Variants in KIF26A observed in about 807,000 individuals in gnomAD.
KIF26A encodes the protein kinesin family member 26A.
Under a neutral mutation model 126.0 loss-of-function variants are expected in KIF26A, and 74 were observed. The observed-to-expected ratio is 0.59, with a 90% confidence interval of 0.49 to 0.71. The LOEUF is 0.71. Among genes scored for constraint, KIF26A ranks in the 30% least tolerant of loss-of-function variants. The pLI, the probability that KIF26A is intolerant of heterozygous loss-of-function variation, is 0.00. For synonymous variants in KIF26A, 1,445 were observed against 1,232.7 expected (o/e 1.17, Z -3.61); for missense variants, 2,984 against 2,763.3 (o/e 1.08, Z -1.79).
chr14:104,145,450 C>T (rs528497574), intron 2 of KIF26A, among the ~76,000 whole-genome samples: 14 of 152,154 alleles, frequency 9.2e-5, no homozygotes, highest in African/African-American at 3.4e-4. Context: ...TGGCCCAGCC[C>T]GGTGCCCGGG....
Position 104,175,552 on chromosome 14 carries a change from G to A in KIF26A, c.2764G>A (p.Asp922Asn), listed in dbSNP as rs2038012555. The A allele has an allele frequency of 3.7e-6, 6 of 1,604,306 alleles. No individual in the cohort carries two copies. Among genetic ancestry groups the A allele is most frequent in the Non-Finnish European group, 5.1e-6 (6 of 1,179,048 alleles). ...GCCCTGCAAGGCCATTGTCTGGGGT[G>A]ACCAGAGAGAGGACAGCAGCGCTTG... Reference protein sequence around the residue: ...PEPCKAIVWGDQREDSSAWPE... With the variant: ...PEPCKAIVWGNQREDSSAWPE... Residue 922 changes from aspartate (D) to asparagine (N), a missense_variant, in exon 12 of 15, where the codon GAC becomes AAC. Asp to Asn is a conservative substitution (Grantham distance 23). Coordinates refer to ENST00000423312, the MANE Select transcript of KIF26A (RefSeq NM_015656.2).
chr14:104,141,883 C>T (rs1045467152), intron 2 of KIF26A, among the ~76,000 whole-genome samples: 13 of 152,242 alleles, frequency 8.5e-5, no homozygotes, highest in African/African-American at 2.4e-4. Flanking sequence ...GTTTCCTGCT[C>T]TGCGACATGG....
rs1469539122 is a variant in KIF26A at position 104,148,166 on chromosome 14, G to A, written c.289-3849G>A. Among the ~76,000 whole-genome samples the A allele has an allele frequency of 6.6e-6, 1 of 152,168 alleles. No homozygotes were observed. Among genetic ancestry groups the A allele is most frequent in the Non-Finnish European group, 1.5e-5 (1 of 68,030 alleles). The stretch of plus-strand genomic sequence containing the variant: ...AGTCCCCCGGGCCTCACACGCAGGA[G>A]AAAATGGAAGGATTACTTAAAGCAA... On this transcript the variant is annotated intron_variant, in intron 2 of 14. Transcript: ENST00000423312. The surrounding 1 kb of genome is among the most constrained non-coding windows in gnomAD (Gnocchi z 4.3).
rs746117357 is a variant in KIF26A at position 104,152,149 on chromosome 14, C to G, written c.423C>G (p.His141Gln). The change falls in exon 3 of 15, where the codon CAC becomes CAG. Residue 141 changes from histidine (H) to glutamine (Q), a missense_variant. Physicochemically the swap from His to Gln is conservative, Grantham distance 24. Coordinates refer to ENST00000423312, the MANE Select transcript of KIF26A (RefSeq NM_015656.2). This position sits in a 1 kb window ranked among gnomAD's most constrained non-coding sequence, Gnocchi z 5.9. ...AGCAGCTCACACGGGAGGCCATGCA[C>G]CTGCTGCAGGCCCCTGCCAGCCATG... ...HLQQLTREAM[H>Q]LLQAPASHED... is the part of the protein sequence containing the mutation. 8 of 1,610,750 alleles carry G rather than the reference C, an allele frequency of 5.0e-6. No individual in the cohort carries two copies. Among genetic ancestry groups the G allele is most frequent in the Non-Finnish European group, 6.8e-6 (8 of 1,179,350 alleles).
chr14:104,176,559 T>C lies in KIF26A; in HGVS notation c.3771T>C (p.Ala1257=), dbSNP rs761440965. 1 of 1,606,530 alleles carries C rather than the reference T, an allele frequency of 6.2e-7. No homozygotes were observed. The highest frequency in any genetic ancestry group is 8.5e-7 in the Non-Finnish European group (1 of 1,179,694). ...VGECDTQAAS[A]GRAPSPTLGS... is the part of the protein sequence containing the mutation. The stretch of plus-strand genomic sequence containing the variant: ...AGTGTGATACCCAGGCAGCTTCTGC[T>C]GGCAGGGCCCCCAGCCCCACACTTG... The change falls in exon 12 of 15, where the codon GCT becomes GCC. Residue 1257 remains alanine, a synonymous_variant. Transcript: ENST00000423312.
In KIF26A at chr14:104,174,313, G is replaced by T; in HGVS notation, c.2193+3G>T. The T allele has an allele frequency of 6.6e-7, 1 of 1,526,024 alleles. No homozygotes were observed. The highest frequency in any genetic ancestry group is 8.8e-7 in the Non-Finnish European group (1 of 1,132,708). The allele number at this position is 1,526,024 out of a possible 1,614,324, so 94.5% of individuals were successfully genotyped here. A position where few individuals can be genotyped will look rare whatever the true frequency, so the allele number is the denominator to read the frequency against. ...GCCTGCGCAGGAAGAAGGCCAAGGTGCTCCCCACCTCCTGCCCGCCCCATC... is the reference window on the plus strand; with the variant it reads ...GCCTGCGCAGGAAGAAGGCCAAGGTTCTCCCCACCTCCTGCCCGCCCCATC... On this transcript the variant is annotated splice_donor_region_variant and intron_variant, in intron 11 of 14. Transcript: ENST00000423312.
chr14:104,174,596 C>G (rs1273039362), intron 11 of KIF26A, among the ~76,000 whole-genome samples: 1 of 152,218 alleles, frequency 6.6e-6, no homozygotes, highest in Admixed American at 6.5e-5. Flanking sequence ...CTGGGGTGCT[C>G]AGGAGAGCCG....
chr14:104,179,657 C>A lies in KIF26A; in HGVS notation c.5516C>A (p.Ala1839Asp). ...CCCGAGTCGGCCGAGTACCTGGCGG[C>A]CCTGGAGCGAGCCACGGCGGCCCTG... ...LEPESAEYLAALERATAALEQ... is the reference protein window; with the variant it reads ...LEPESAEYLADLERATAALEQ... The change falls in exon 15 of 15, where the codon GCC becomes GAC. Residue 1839 changes from alanine to aspartate, a missense_variant. By Grantham distance (126) the Ala-to-Asp change is moderately radical. Coordinates refer to ENST00000423312, the MANE Select transcript of KIF26A (RefSeq NM_015656.2). 6.5e-7 allele frequency: 1 copy of A among 1,547,428 alleles called. No homozygotes were observed. Among genetic ancestry groups the A allele is most frequent in the East Asian group, 2.5e-5 (1 of 40,812 alleles).
Position 104,151,104 on chromosome 14 carries a change from G to C in KIF26A, c.289-911G>C, listed in dbSNP as rs748150209. On this transcript the variant is annotated intron_variant, in intron 2 of 14. Transcript: ENST00000423312. The surrounding 1 kb of genome is among the most constrained non-coding windows in gnomAD (Gnocchi z 4.9). ...GCCCCAGAGAGGAGTAAGCCTCTTG[G>C]TCGATTCCCTCCCAGTGAGCTTTGC... is the stretch of plus-strand genomic sequence containing the variant. Among the ~76,000 whole-genome samples the C allele has an allele frequency of 6.6e-6, 1 of 152,174 alleles. No individual in the cohort carries two copies. The highest frequency in any genetic ancestry group is 1.5e-5 in the Non-Finnish European group (1 of 68,022).
rs200552468 is a variant in KIF26A, at chr14:104,157,798, G to A, written c.779G>A (p.Arg260Gln). ...VAAVAVADTV[R>Q]ECPPVAGPDG... is the part of the protein sequence containing the mutation. Reference sequence around the variant, plus strand: ...GCCGTGGCGGTGGCAGACACGGTCCGAGAATGCCCCCCCGTGGCCGGCCCT... The same window carrying A: ...GCCGTGGCGGTGGCAGACACGGTCCAAGAATGCCCCCCCGTGGCCGGCCCT... Residue 260 changes from arginine (R) to glutamine (Q), a missense_variant, in exon 4 of 15, where the codon CGA becomes CAA. Physicochemically the swap from Arg to Gln is conservative, Grantham distance 43. Transcript: ENST00000423312. 1.1e-4 allele frequency: 171 copies of A among 1,610,272 alleles called. 1 individual carries two copies. Among genetic ancestry groups the A allele is most frequent in the East Asian group, 2.7e-4 (12 of 44,806 alleles).
chr14:104,139,688 C>T (rs1222868318), intron 2 of KIF26A, among the ~76,000 whole-genome samples: 2 of 152,182 alleles, frequency 1.3e-5, no homozygotes, highest in East Asian at 1.9e-4. Flanking sequence ...GGCACCTGGG[C>T]CCCCAGCCAG....
rs1416503770 is a variant in KIF26A, at chr14:104,176,124, C to T, written c.3336C>T (p.Ser1112=). 4 of 1,581,962 alleles carry T rather than the reference C, an allele frequency of 2.5e-6. No homozygotes were observed. The South Asian group carries it at 4.6e-5, about 18-fold the overall frequency. The change falls in exon 12 of 15, where the codon TCC becomes TCT. Residue 1112 remains serine, a synonymous_variant. Coordinates refer to ENST00000423312, the MANE Select transcript of KIF26A (RefSeq NM_015656.2). ...AGSSHGSSIS[S]WLSEVSVCTA... ...GCAGTCACGGCTCCTCCATCAGCTC[C>T]TGGCTCAGCGAGGTCAGCGTCTGCA...
chr14:104,176,887 CG>C lies in KIF26A; in HGVS notation c.4101del (p.Lys1368SerfsTer18). The C allele has an allele frequency of 6.5e-7, 1 of 1,541,780 alleles. No homozygotes were observed. Among genetic ancestry groups the C allele is most frequent in the African/African-American group, 1.4e-5 (1 of 73,056 alleles). On this transcript the variant is annotated frameshift_variant, in exon 12 of 15. Transcript: ENST00000423312. LOFTEE classifies it high-confidence loss of function. ...GGCGGCCCCCCCGGCCCCACCCACG[CG>C]GAAGTCCAGCCTGGAGCAGAGGAGC... is the stretch of plus-strand genomic sequence containing the variant. ...SGAAPPAPPT[R>X]KSSLEQRSSP...
At chr14:104,144,564 A>G (rs1043683244) in intron 2 of KIF26A, among the ~76,000 whole-genome samples, 1 of 152,196 alleles carries the variant, frequency 6.6e-6, no homozygotes, top group Non-Finnish European at 1.5e-5. Context: ...AGGATCTCTT[A>G]TTTGGGAATC....
In KIF26A at chr14:104,175,116, C is replaced by A; in HGVS notation, c.2328C>A (p.Asp776Glu). The A allele has an allele frequency of 4.4e-6, 7 of 1,605,972 alleles. No individual in the cohort carries two copies. Among genetic ancestry groups the A allele is most frequent in the Non-Finnish European group, 5.9e-6 (7 of 1,177,358 alleles). The change falls in exon 12 of 15, where the codon GAC becomes GAA. Residue 776 changes from aspartate to glutamate, a missense_variant. Transcript: ENST00000423312. ...GCACGCCTCCCTGCCTGCCCGGTGA[C>A]CCCGATTACTCCTCCAGCAGCGAGC... ...PDRTPPCLPG[D>E]PDYSSSSEQS...
At chr14:104,139,384 C>T (rs2037615267) in intron 2 of KIF26A, 96 bp downstream of exon 2, 2 of 1,313,068 alleles carry the variant, frequency 1.5e-6, no homozygotes, top group South Asian at 2.0e-5. Context: ...TCCACTCCTT[C>T]CCTGCTGCTG....
rs752247136 is a variant in KIF26A at position 104,177,132 on chromosome 14, C to G, written c.4344C>G (p.Ser1448Arg). ...GGTACGAAGGCCTGGCGCACAGCAGCAGCAAGGGCCGGGAAGCCCCTGGGC... is the reference window on the plus strand; with the variant it reads ...GGTACGAAGGCCTGGCGCACAGCAGGAGCAAGGGCCGGGAAGCCCCTGGGC... ...LERYEGLAHS[S>R]SKGREAPGRP... Residue 1448 changes from serine (S) to arginine (R), a missense_variant, in exon 12 of 15, where the codon AGC becomes AGG. By Grantham distance (110) the Ser-to-Arg change is moderately radical (BLOSUM62 -1). Transcript: ENST00000423312. 1 of 1,597,784 alleles carries G rather than the reference C, an allele frequency of 6.3e-7. No individual in the cohort carries two copies. The highest frequency in any genetic ancestry group is 1.7e-5 in the Admixed American group (1 of 59,972).
At chr14:104,158,989 C>T (rs972791280) in intron 4 of KIF26A, among the ~76,000 whole-genome samples, 2 of 152,236 alleles carry the variant, frequency 1.3e-5, no homozygotes, top group East Asian at 1.9e-4. Context: ...CGGCCAGAGA[C>T]GAGGGCGTCT....
At position 104,177,839 on chromosome 14, in the gene KIF26A, G is replaced by A. The variant is rs748668663; in HGVS notation, c.5051G>A (p.Gly1684Glu). 6.4e-7 allele frequency: 1 copy of A among 1,566,538 alleles called. No individual in the cohort carries two copies. Among genetic ancestry groups the A allele is most frequent in the Non-Finnish European group, 8.6e-7 (1 of 1,163,214 alleles). The change falls in exon 12 of 15, where the codon GGG becomes GAG. Residue 1684 changes from glycine (G) to glutamate (E), a missense_variant. By Grantham distance (98) the Gly-to-Glu change is moderately conservative. Transcript: ENST00000423312. ...SSAPDSMSES[G>E]AASPGARTRS... ...GCCCCTGACTCCATGAGCGAGAGTGGGGCTGCCTCCCCAGGCGCCCGCACC... is the reference window on the plus strand; with the variant it reads ...GCCCCTGACTCCATGAGCGAGAGTGAGGCTGCCTCCCCAGGCGCCCGCACC...
Sources: gnomAD v4.1 joint callset for allele counts (sites outside exome capture counted in the v4.1 genomes callset) on GRCh38, gnomAD v4.1.1 for gene constraint, Gnocchi (gnomAD v3.1) non-coding constraint, MANE v1.5 for transcripts, NCBI Gene and HGNC (gene_info 2026-07-23, HGNC 2026-07-21) for gene names.